Variants in DYTN observed in about 807,000 individuals in gnomAD.
The protein encoded by DYTN is dystrotelin.
DYTN carries 75 observed loss-of-function variants against 69.6 expected under a neutral mutation model. The observed-to-expected ratio is 1.08, with a 90% CI of 0.89 to 1.31. DYTN has a LOEUF of 1.31. Ranked by LOEUF, DYTN falls within the 50% of genes most tolerant of loss-of-function variation. The probability of loss-of-function intolerance (pLI) is 0.00; values close to 1 mark genes in which losing one functional copy is unlikely to be tolerated. For synonymous variants in DYTN, 252 were observed against 249.1 expected, an observed-to-expected ratio of 1.01 and a Z score of -0.11; for missense variants, 726 against 688.4, an observed-to-expected ratio of 1.05 and a Z score of -0.61.
chr2:206,673,572 A>T (rs981347828), intron 9 of DYTN, among the ~76,000 whole-genome samples: 1 of 145,154 alleles, frequency 6.9e-6, no homozygotes, highest in Non-Finnish European at 1.5e-5. Flanking sequence ...CCGATTTTTT[A>T]AAATAACCTA....
At chr2:206,689,000 A>C (rs1226371282) in intron 9 of DYTN, among the ~76,000 whole-genome samples, 2 of 152,170 alleles carry the variant, frequency 1.3e-5, no homozygotes, top group Non-Finnish European at 2.9e-5. Flanking sequence ...TTTGCTAGTT[A>C]CTTGGGGTTT....
chr2:206,694,902 C>A, intron 7 of DYTN, 25 bp from the exon 8 acceptor site: 1 of 1,305,284 alleles, frequency 7.7e-7, no homozygotes, highest in Non-Finnish European at 1.0e-6. Flanking sequence ...AGAAGCACAG[C>A]TTACGTCACT....
intron 1 of DYTN, among the ~76,000 whole-genome samples, chr2:206,712,572 A>G (rs1248909969): frequency 1.3e-5 from 2 of 152,156 alleles, no homozygotes; most frequent in African/African-American, 4.8e-5. Context: ...GTCAGGGAGG[A>G]GGAGCCAGGA....
At chr2:206,651,973 CATGAAGATATTG>C (rs1045570812) in intron 11 of DYTN, 52 bp from the exon 12 acceptor site, 2 of 1,520,068 alleles carry the variant, frequency 1.3e-6, no homozygotes, top group Non-Finnish European at 1.8e-6. Context: ...GGTAGCTTCT[CATGAAGATATTG>C]ATAAAGCTCT....
At chr2:206,704,703 C>T (rs1700007820) in intron 5 of DYTN, 140 bp downstream of exon 5, 1 of 682,376 alleles carries the variant, frequency 1.5e-6, no homozygotes, top group South Asian at 2.0e-5. Context: ...ATTCAAGTAA[C>T]AGCAATGGCT....
chr2:206,681,930 G>A (rs1699754622), intron 9 of DYTN, among the ~76,000 whole-genome samples: 1 of 152,132 alleles, frequency 6.6e-6, no homozygotes, highest in Admixed American at 6.6e-5. Context: ...TCAATAGTTT[G>A]GAATAGTTTC....
intron 1 of DYTN, 141 bp downstream of exon 1, chr2:206,718,120 T>A (rs1183630467): frequency 2.5e-6 from 2 of 807,822 alleles, no homozygotes; most frequent in Non-Finnish European, 3.6e-6. Flanking sequence ...GAAAGCCACT[T>A]TAATCAAATA....
intron 5 of DYTN, among the ~76,000 whole-genome samples, chr2:206,701,344 A>G (rs949146906): frequency 6.6e-6 from 1 of 152,248 alleles, no homozygotes; most frequent in Non-Finnish European, 1.5e-5. Context: ...CGGCACTCCC[A>G]TGTTCACTGT....
intron 11 of DYTN, among the ~76,000 whole-genome samples, chr2:206,660,812 A>C (rs899576963): frequency 2.0e-5 from 3 of 152,204 alleles, no homozygotes; most frequent in Non-Finnish European, 4.4e-5. Flanking sequence ...CCGAATAATT[A>C]GTTTATTGAC....
intron 9 of DYTN, among the ~76,000 whole-genome samples, chr2:206,667,207 A>AC (rs1317623337): frequency 3.3e-5 from 5 of 151,120 alleles, no homozygotes; most frequent in South Asian, 4.2e-4. Context: ...GACGGCACAG[A>AC]CCCCCCTTCC....
chr2:206,711,733 C>T (rs74612328), intron 1 of DYTN, among the ~76,000 whole-genome samples: 5 of 151,870 alleles, frequency 3.3e-5, no homozygotes, highest in African/African-American at 4.8e-5. Context: ...TATCCCTCCC[C>T]CTTCCCCCCA....
intron 11 of DYTN, among the ~76,000 whole-genome samples, chr2:206,652,354 A>G (rs1699396956): frequency 6.6e-6 from 1 of 152,182 alleles, no homozygotes; most frequent in Non-Finnish European, 1.5e-5. Context: ...CAGACACCAC[A>G]TTTTTGAGAA....
At chr2:206,708,040 T>G (rs753591116) in intron 2 of DYTN, among the ~76,000 whole-genome samples, 1 of 152,228 alleles carries the variant, frequency 6.6e-6, no homozygotes, top group Non-Finnish European at 1.5e-5. Context: ...TGTAAAGATC[T>G]TTAGGCTAAA....
chr2:206,717,637 ATGT>A (rs780731419), intron 1 of DYTN, among the ~76,000 whole-genome samples: 1 of 152,222 alleles, frequency 6.6e-6, no homozygotes, highest in Non-Finnish European at 1.5e-5. Context: ...ATCATTTATA[ATGT>A]TGTTTTAGAT....
At chr2:206,681,340 G>T (rs1309522626) in intron 9 of DYTN, among the ~76,000 whole-genome samples, 1 of 152,016 alleles carries the variant, frequency 6.6e-6, no homozygotes, top group African/African-American at 2.4e-5. Flanking sequence ...TTGACTTCCT[G>T]TCTTCCTATT....
chr2:206,666,583 G>T (rs1215379622), intron 9 of DYTN, among the ~76,000 whole-genome samples: 1 of 152,042 alleles, frequency 6.6e-6, no homozygotes, highest in Non-Finnish European at 1.5e-5. Context: ...AAGTACACCC[G>T]TCATGGCTAA....
rs77518077 is a variant in DYTN at position 206,695,909 on chromosome 2, T to A, written c.720-1032A>T. On this transcript the variant is annotated intron_variant, in intron 7 of 11. Coordinates refer to ENST00000452335, the MANE Select transcript of DYTN (RefSeq NM_001093730.1). ...CTTCACGTATACCACTTGCCTTGCC[T>A]TTTAAGCATTTGGGTTTTCAACACC... Among the ~76,000 whole-genome samples, 7 of 152,330 alleles carry A rather than the reference T, an allele frequency of 4.6e-5. No homozygotes were observed. The East Asian group carries it at 1.3e-3, about 29-fold the overall frequency.
intron 9 of DYTN, among the ~76,000 whole-genome samples, chr2:206,677,072 G>A (rs1574592584): frequency 6.6e-6 from 1 of 152,140 alleles, no homozygotes; most frequent in South Asian, 2.1e-4. Flanking sequence ...TCAACCTCCC[G>A]AGTAGCTGGG....
chr2:206,715,031 G>A (rs1469824349), intron 1 of DYTN, among the ~76,000 whole-genome samples: 2 of 151,802 alleles, frequency 1.3e-5, no homozygotes, highest in Admixed American at 1.3e-4. Flanking sequence ...AGATGTCTAA[G>A]ATACTAAGCA....
Sources: allele counts gnomAD v4.1 joint callset (sites outside exome capture counted in the v4.1 genomes callset), GRCh38; gene constraint gnomAD v4.1.1; transcripts MANE v1.5; gene names NCBI Gene and HGNC (gene_info 2026-07-23, HGNC 2026-07-21).